The following GALNTL6 variants were observed in gnomAD, a reference collection of about 807,000 sequenced individuals.
GALNTL6 encodes polypeptide N-acetylgalactosaminyltransferase-like 6.
GALNTL6 carries 46 observed loss-of-function variants against 73.7 expected under a neutral mutation model. The ratio of observed to expected loss-of-function variants is 0.62; its 90% CI spans 0.49 to 0.80. GALNTL6 has a LOEUF of 0.80. Ranked by LOEUF, GALNTL6 falls within the 30% of genes least tolerant of loss-of-function variation. The probability of loss-of-function intolerance (pLI) is 0.00; values close to 1 mark genes in which losing one functional copy is unlikely to be tolerated. For synonymous variants in GALNTL6, 259 were observed against 263.7 expected (o/e 0.98, Z 0.17); for missense variants, 604 against 755.0 (o/e 0.80, Z 2.34).
chr4:171,906,505 G>A (rs947050956), intron 2 of GALNTL6, among the ~76,000 whole-genome samples: 94 of 151,954 alleles, frequency 6.2e-4, no homozygotes, highest in Non-Finnish European at 1.1e-3. Flanking sequence ...ATAATCAATA[G>A]CTTACCAACC....
rs1210462086 is a variant in GALNTL6, at chr4:173,041,558, C to G, written c.*1458C>G. On this transcript the variant is annotated 3_prime_UTR_variant, in exon 13 of 13. Transcript: ENST00000506823. ...TTCCTGTTAATAAAAATTTATATAACATCTTGGATCTAGAGCATTAAATTT... is the reference window on the plus strand; with the variant it reads ...TTCCTGTTAATAAAAATTTATATAAGATCTTGGATCTAGAGCATTAAATTT... 1.3e-5 allele frequency: 2 copies of G among 152,092 alleles called. No homozygotes were observed. The highest frequency in any genetic ancestry group is 4.8e-5 in the African/African-American group (2 of 41,410). The allele number at this position is 152,092 out of a possible 1,614,324, so 9.4% of individuals were successfully genotyped here.
intron 5 of GALNTL6, among the ~76,000 whole-genome samples, chr4:172,583,432 T>C (rs1421798932): frequency 5.3e-5 from 8 of 152,218 alleles, no homozygotes; most frequent in African/African-American, 1.9e-4. Flanking sequence ...ATTAAGAAAG[T>C]ATCTGACATA....
intron 5 of GALNTL6, among the ~76,000 whole-genome samples, chr4:172,665,965 C>A (rs984062958): frequency 3.9e-5 from 6 of 152,108 alleles, no homozygotes; most frequent in African/African-American, 1.4e-4. Flanking sequence ...CCCCTTCTTA[C>A]ATATTCTGCT....
intron 2 of GALNTL6, among the ~76,000 whole-genome samples, chr4:171,932,647 C>T (rs1461440377): frequency 6.6e-6 from 1 of 152,086 alleles, no homozygotes; most frequent in East Asian, 1.9e-4. Context: ...TACCTATTTC[C>T]TTTTTGTATG....
intron 5 of GALNTL6, among the ~76,000 whole-genome samples, chr4:172,771,769 A>C (rs7435441): frequency 6.6e-6 from 1 of 152,336 alleles, no homozygotes; most frequent in Non-Finnish European, 1.5e-5. Context: ...GTTAAGTTTA[A>C]GAATTCTTGA....
chr4:172,175,618 T>A (rs927819839), intron 2 of GALNTL6, among the ~76,000 whole-genome samples: 11 of 152,208 alleles, frequency 7.2e-5, no homozygotes, highest in Non-Finnish European at 1.3e-4. Context: ...TGAAGGATAT[T>A]AACAATGCTA....
intron 5 of GALNTL6, among the ~76,000 whole-genome samples, chr4:172,564,387 G>A (rs1736485338): frequency 6.6e-6 from 1 of 152,172 alleles, no homozygotes; most frequent in Admixed American, 6.5e-5. Context: ...CCTTATGTGT[G>A]ACTAGTTGAA....
intron 5 of GALNTL6, among the ~76,000 whole-genome samples, chr4:172,379,714 C>T (rs541869865): frequency 6.6e-6 from 1 of 152,066 alleles, no homozygotes; most frequent in African/African-American, 2.4e-5. Context: ...CTGGAGCTAA[C>T]CTGACAACTA....
intron 2 of GALNTL6, among the ~76,000 whole-genome samples, chr4:172,162,503 A>G (rs1215463316): frequency 6.6e-6 from 1 of 152,040 alleles, no homozygotes; most frequent in Non-Finnish European, 1.5e-5. Flanking sequence ...TCACTCATTT[A>G]TAAAATAAAG....
chr4:172,367,656 G>A (rs78343467), intron 5 of GALNTL6, among the ~76,000 whole-genome samples: 7 of 152,098 alleles, frequency 4.6e-5, no homozygotes, highest in Non-Finnish European at 1.0e-4. Flanking sequence ...TCTCAGTTCT[G>A]TCATCTATCA....
Position 171,814,446 on chromosome 4 carries a change from C to A in GALNTL6, c.-135C>A. 1.2e-6 allele frequency: 1 copy of A among 835,918 alleles called. No homozygotes were observed. The highest frequency in any genetic ancestry group is 1.9e-6 in the Non-Finnish European group (1 of 530,548). The allele number at this position is 835,918 out of a possible 1,614,324, so 51.8% of individuals were successfully genotyped here. A position where few individuals can be genotyped will look rare whatever the true frequency, so the allele number is the denominator to read the frequency against. ...TCCCTCTGAATCCTGCAGATTGGTGCTGAGCACGCAACAAAAGTTTGTAGC... is the reference window on the plus strand; with the variant it reads ...TCCCTCTGAATCCTGCAGATTGGTGATGAGCACGCAACAAAAGTTTGTAGC... On this transcript the variant is annotated 5_prime_UTR_variant, in exon 2 of 13. The change creates a new upstream start codon in the 5' untranslated region. Coordinates refer to ENST00000506823, the MANE Select transcript of GALNTL6 (RefSeq NM_001034845.3).
intron 11 of GALNTL6, among the ~76,000 whole-genome samples, chr4:173,010,850 C>G (rs958852342): frequency 8.6e-5 from 13 of 151,756 alleles, no homozygotes; most frequent in African/African-American, 1.7e-4. Flanking sequence ...CATGATCTGC[C>G]CACCTTGGCC....
chr4:172,754,155 C>T (rs1392499704), intron 5 of GALNTL6, among the ~76,000 whole-genome samples: 2 of 151,832 alleles, frequency 1.3e-5, no homozygotes, highest in Non-Finnish European at 2.9e-5. Flanking sequence ...ACTCAAACTC[C>T]TTCCATATTC....
intron 5 of GALNTL6, among the ~76,000 whole-genome samples, chr4:172,417,421 A>G (rs1730885456): frequency 6.6e-6 from 1 of 152,100 alleles, no homozygotes; most frequent in Admixed American, 6.6e-5. Flanking sequence ...TACTTGGGAT[A>G]GATGATGCTT....
chr4:172,444,314 G>T (rs1731941522), intron 5 of GALNTL6, among the ~76,000 whole-genome samples: 1 of 152,150 alleles, frequency 6.6e-6, no homozygotes. Flanking sequence ...CCCCAATGTT[G>T]ATGCCAGTCT....
chr4:172,990,368 C>G lies in GALNTL6; in HGVS notation c.1372-18810C>G, dbSNP rs113576794. On this transcript the variant is annotated intron_variant, in intron 10 of 12. Coordinates refer to ENST00000506823, the MANE Select transcript of GALNTL6 (RefSeq NM_001034845.3). Reference sequence around the variant, plus strand: ...GTATACTTTCTTCAATTGTTAAAAGCTATAAATAGCTCAAAAGAAAAAGTT... The same window carrying G: ...GTATACTTTCTTCAATTGTTAAAAGGTATAAATAGCTCAAAAGAAAAAGTT... 2.0e-3 allele frequency among the ~76,000 whole-genome samples: 301 copies of G among 152,122 alleles called. 3 individuals are homozygous for G. The highest frequency in any genetic ancestry group is 6.7e-3 in the African/African-American group (278 of 41,494).
At chr4:172,211,822 A>G (rs1373561627) in intron 2 of GALNTL6, among the ~76,000 whole-genome samples, 1 of 152,192 alleles carries the variant, frequency 6.6e-6, no homozygotes, top group African/African-American at 2.4e-5. Context: ...AGAAAGGGCA[A>G]GATAGCTTGC....
intron 10 of GALNTL6, among the ~76,000 whole-genome samples, chr4:172,959,206 C>G (rs1561056414): frequency 6.6e-6 from 1 of 151,888 alleles, no homozygotes; most frequent in Non-Finnish European, 1.5e-5. Context: ...GTGTCCTATA[C>G]TTGTGGTTTA....
chr4:171,964,328 G>A (rs903384470), intron 2 of GALNTL6, among the ~76,000 whole-genome samples: 3 of 152,046 alleles, frequency 2.0e-5, no homozygotes, highest in Non-Finnish European at 4.4e-5. Context: ...TTCCTCTGAA[G>A]TTCATTCAAT....
Sources: allele counts gnomAD v4.1 joint callset (sites outside exome capture counted in the v4.1 genomes callset), GRCh38; gene constraint gnomAD v4.1.1; transcripts MANE v1.5; gene names NCBI Gene and HGNC (gene_info 2026-07-23, HGNC 2026-07-21).